The following RNF225 variants were observed in gnomAD, a reference collection of about 807,000 sequenced individuals.
The protein encoded by RNF225 is ring finger protein 225.
For synonymous variants in RNF225, 295 were observed against 260.4 expected (o/e 1.13, Z -1.28); for missense variants, 510 against 509.8 (o/e 1.00, Z 0.00).
chr19:58,396,167 C>G lies in RNF225; in HGVS notation c.78C>G (p.Leu26=), dbSNP rs1259647171. Residue 26 remains leucine (L), a synonymous_variant, in exon 1 of 1, where the codon CTC becomes CTG. Transcript: ENST00000601382. ...QGSGPSSPGS[L]SAPRSPSRGE... is the part of the protein sequence containing the mutation. Reference sequence around the variant, plus strand: ...CGGGTCCCAGCTCCCCAGGCTCGCTCTCTGCGCCCCGCTCCCCAAGCAGAG... The same window carrying G: ...CGGGTCCCAGCTCCCCAGGCTCGCTGTCTGCGCCCCGCTCCCCAAGCAGAG... The G allele has an allele frequency of 6.5e-7, 1 of 1,536,486 alleles. No homozygotes were observed. Among genetic ancestry groups the G allele is most frequent in the Non-Finnish European group, 8.7e-7 (1 of 1,147,730 alleles).
rs1240882175 is a variant in RNF225, at chr19:58,396,376, C to T, written c.287C>T (p.Ser96Leu). 2 of 1,534,958 alleles carry T rather than the reference C, an allele frequency of 1.3e-6. No homozygotes were observed. Among genetic ancestry groups the T allele is most frequent in the Non-Finnish European group, 1.7e-6 (2 of 1,146,480 alleles). Residue 96 changes from serine (S) to leucine (L), a missense_variant, in exon 1 of 1, where the codon TCG (serine) becomes TTG (leucine). By Grantham distance (145) the Ser-to-Leu change is moderately radical (BLOSUM62 -2). Transcript: ENST00000601382. ...VFCLECLARL[S>L]LATAGGGNAV... ...TGTCTCGAGTGCCTGGCGCGCCTAT[C>T]GTTGGCCACGGCGGGCGGCGGCAAC...
Position 58,396,768 on chromosome 19 carries a change from A to G in RNF225, c.679A>G (p.Thr227Ala), listed in dbSNP as rs762888422. The G allele has an allele frequency of 1.4e-5, 21 of 1,513,294 alleles. No homozygotes were observed. In the African/African-American group the frequency reaches 3.1e-4, roughly 22 times the overall value. 93.7% of individuals were successfully genotyped at this position (1,513,294 alleles called of 1,614,324 possible). ...CATCTTCTTCCTCATCCCGCACGCCACCTCCTCCGGCCCCCCGCGGCCCCA... is the reference window on the plus strand; with the variant it reads ...CATCTTCTTCCTCATCCCGCACGCCGCCTCCTCCGGCCCCCCGCGGCCCCA... ...VYIFFLIPHA[T>A]SSGPPRPQLV... is the part of the protein sequence containing the mutation. The change falls in exon 1 of 1, where the codon ACC becomes GCC. Residue 227 changes from threonine (T) to alanine (A), a missense_variant. Transcript: ENST00000601382.
At position 58,396,054 on chromosome 19, in the gene RNF225, C is replaced by G. The variant is rs1228319094; in HGVS notation, c.-36C>G. 3 of 1,473,426 alleles carry G rather than the reference C, an allele frequency of 2.0e-6. No homozygotes were observed. The highest frequency in any genetic ancestry group is 2.7e-6 in the Non-Finnish European group (3 of 1,120,380). The allele number at this position is 1,473,426 out of a possible 1,614,324, so 91.3% of individuals were successfully genotyped here. On this transcript the variant is annotated 5_prime_UTR_variant, in exon 1 of 1. Transcript: ENST00000601382. ...CCGCTCCAGGCTCCACCGCCTCCTT[C>G]CCTGCCTGACCTCCTCTCCTCCCAG... is the stretch of plus-strand genomic sequence containing the variant.
chr19:58,396,961 AC>A lies in RNF225; in HGVS notation c.875del (p.Pro292ArgfsTer?). 1 of 1,533,998 alleles carries A rather than the reference AC, an allele frequency of 6.5e-7. No individual in the cohort carries two copies. Among genetic ancestry groups the A allele is most frequent in the Non-Finnish European group, 8.7e-7 (1 of 1,146,340 alleles). On this transcript the variant is annotated frameshift_variant, in exon 1 of 1. Coordinates refer to ENST00000601382, the MANE Select transcript of RNF225 (RefSeq NM_001195135.2). LOFTEE classifies it low-confidence loss of function (END_TRUNC). ...DALEPEAGPE[D>X]PAEAERTLDR... The stretch of plus-strand genomic sequence containing the variant: ...CTGGAGCCCGAGGCGGGCCCCGAGG[AC>A]CCGGCGGAGGCCGAGAGGACGCTGG...
In RNF225 at chr19:58,396,088, G is replaced by C; in HGVS notation, c.-2G>C. On this transcript the variant is annotated 5_prime_UTR_variant, in exon 1 of 1. Coordinates refer to ENST00000601382, the MANE Select transcript of RNF225 (RefSeq NM_001195135.2). ...ACCTCCTCTCCTCCCAGGTCCATCC[G>C]GATGCCCTGCCCTCGGCCGTTCTGG... 6.6e-7 allele frequency: 1 copy of C among 1,519,150 alleles called. No individual in the cohort carries two copies. The highest frequency in any genetic ancestry group is 8.8e-7 in the Non-Finnish European group (1 of 1,140,006). 94.1% of individuals were successfully genotyped at this position (1,519,150 alleles called of 1,614,324 possible).
Position 58,396,055 on chromosome 19 carries a change from C to A in RNF225, c.-35C>A. The A allele has an allele frequency of 6.8e-7, 1 of 1,473,962 alleles. No homozygotes were observed. The highest frequency in any genetic ancestry group is 8.9e-7 in the Non-Finnish European group (1 of 1,120,624). The allele number at this position is 1,473,962 out of a possible 1,614,324, so 91.3% of individuals were successfully genotyped here. The stretch of plus-strand genomic sequence containing the variant: ...CGCTCCAGGCTCCACCGCCTCCTTC[C>A]CTGCCTGACCTCCTCTCCTCCCAGG... On this transcript the variant is annotated 5_prime_UTR_variant, in exon 1 of 1. Transcript: ENST00000601382.
Position 58,396,511 on chromosome 19 carries a change from C to T in RNF225, c.422C>T (p.Pro141Leu). The part of the protein sequence containing the change: ...GLLPRDARAP[P>L]SRQGSVRFDR... ...CTGCCCCGCGACGCGCGCGCACCGCCCTCTCGCCAGGGCTCCGTGCGCTTC... is the reference window on the plus strand; with the variant it reads ...CTGCCCCGCGACGCGCGCGCACCGCTCTCTCGCCAGGGCTCCGTGCGCTTC... The change falls in exon 1 of 1, where the codon CCC becomes CTC. Residue 141 changes from proline to leucine, a missense_variant. Physicochemically the swap from Pro to Leu is moderately conservative, Grantham distance 98. Coordinates refer to ENST00000601382, the MANE Select transcript of RNF225 (RefSeq NM_001195135.2). The T allele has an allele frequency of 1.5e-6, 2 of 1,296,632 alleles. No individual in the cohort carries two copies. Among genetic ancestry groups the T allele is most frequent in the Non-Finnish European group, 2.0e-6 (2 of 1,023,872 alleles). The allele number at this position is 1,296,632 out of a possible 1,614,324, so 80.3% of individuals were successfully genotyped here. A position where few individuals can be genotyped will look rare whatever the true frequency, so the allele number is the denominator to read the frequency against.
chr19:58,395,887 C>T lies in RNF225; in HGVS notation c.-203C>T, dbSNP rs2052394345. Among the ~76,000 whole-genome samples, 2 of 152,268 alleles carry T rather than the reference C, an allele frequency of 1.3e-5. No homozygotes were observed. Among genetic ancestry groups the T allele is most frequent in the South Asian group, 4.1e-4 (2 of 4,820 alleles). On this transcript the variant is annotated 5_prime_UTR_variant, in exon 1 of 1. Transcript: ENST00000601382. ...GTACCCCGTGGGTCCATTCCTATCC[C>T]CAGTCTCCGCCTCGGGCCTCCCCAT...
At position 58,396,133 on chromosome 19, in the gene RNF225, C is replaced by G. The variant is rs917020655; in HGVS notation, c.44C>G (p.Pro15Arg). 2.3e-5 allele frequency: 36 copies of G among 1,532,936 alleles called. No homozygotes were observed. Among genetic ancestry groups the G allele is most frequent in the Non-Finnish European group, 3.1e-5 (36 of 1,145,996 alleles). 95.0% of individuals were successfully genotyped at this position (1,532,936 alleles called of 1,614,324 possible). The change falls in exon 1 of 1, where the codon CCC becomes CGC. Residue 15 changes from proline (P) to arginine (R), a missense_variant. Coordinates refer to ENST00000601382, the MANE Select transcript of RNF225 (RefSeq NM_001195135.2). ...TTCTGGCTCCGCCATTCCCGGGCCC[C>G]CCAGGGCTCGGGTCCCAGCTCCCCA... The part of the protein sequence containing the change: ...RPFWLRHSRA[P>R]QGSGPSSPGS...
Position 58,396,588 on chromosome 19 carries a change from C to T in RNF225, c.499C>T (p.Pro167Ser), listed in dbSNP as rs2052401458. 3 of 1,075,960 alleles carry T rather than the reference C, an allele frequency of 2.8e-6. No homozygotes were observed. Among genetic ancestry groups the T allele is most frequent in the South Asian group, 4.3e-5 (1 of 23,038 alleles). The allele number at this position is 1,075,960 out of a possible 1,614,324, so 66.7% of individuals were successfully genotyped here. ...YLRPPPPPPG[P>S]RKARAPPPPP... Reference sequence around the variant, plus strand: ...GCGGCCGCCGCCGCCCCCGCCCGGGCCGCGCAAGGCCCGCGCCCCGCCGCC... The same window carrying T: ...GCGGCCGCCGCCGCCCCCGCCCGGGTCGCGCAAGGCCCGCGCCCCGCCGCC... Residue 167 changes from proline to serine, a missense_variant, in exon 1 of 1, where the codon CCG becomes TCG. Physicochemically the swap from Pro to Ser is moderately conservative, Grantham distance 74. Transcript: ENST00000601382.
chr19:58,396,777 G>A lies in RNF225; in HGVS notation c.688G>A (p.Gly230Ser), dbSNP rs1452677922. Residue 230 changes from glycine (G) to serine (S), a missense_variant, in exon 1 of 1, where the codon GGC (glycine) becomes AGC (serine). Physicochemically the swap from Gly to Ser is moderately conservative, Grantham distance 56. Transcript: ENST00000601382. ...CCTCATCCCGCACGCCACCTCCTCC[G>A]GCCCCCCGCGGCCCCAGCTCGTGGC... ...FFLIPHATSSGPPRPQLVALA... is the reference protein window; with the variant it reads ...FFLIPHATSSSPPRPQLVALA... The A allele has an allele frequency of 1.3e-6, 2 of 1,515,172 alleles. No homozygotes were observed. Among genetic ancestry groups the A allele is most frequent in the Non-Finnish European group, 1.8e-6 (2 of 1,138,960 alleles). 93.9% of individuals were successfully genotyped at this position (1,515,172 alleles called of 1,614,324 possible).
In RNF225 at chr19:58,396,603, G is replaced by GCCCCGCCGC. The variant is rs957157176; in HGVS notation, c.525_533dup (p.Pro176_Pro178dup). The GCCCCGCCGC allele has an allele frequency of 2.7e-5, 31 of 1,152,182 alleles. No homozygotes were observed. Among genetic ancestry groups the GCCCCGCCGC allele is most frequent in the South Asian group, 3.8e-5 (1 of 26,448 alleles). The allele number at this position is 1,152,182 out of a possible 1,614,324, so 71.4% of individuals were successfully genotyped here. ...CCCGCCCGGGCCGCGCAAGGCCCGC[G>GCCCCGCCGC]CCCCGCCGCCCCCGCCGCCTCTGCG... On this transcript the variant is annotated inframe_insertion, in exon 1 of 1. Transcript: ENST00000601382.
In RNF225 at chr19:58,396,204, G is replaced by A; in HGVS notation, c.115G>A (p.Glu39Lys). 6.8e-7 allele frequency: 1 copy of A among 1,474,872 alleles called. No homozygotes were observed. Among genetic ancestry groups the A allele is most frequent in the South Asian group, 1.3e-5 (1 of 77,036 alleles). 91.4% of individuals were successfully genotyped at this position (1,474,872 alleles called of 1,614,324 possible). Residue 39 changes from glutamate to lysine, a missense_variant, in exon 1 of 1, where the codon GAG (glutamate) becomes AAG (lysine). Coordinates refer to ENST00000601382, the MANE Select transcript of RNF225 (RefSeq NM_001195135.2). ...PRSPSRGEDQ[E>K]EEEEEEGDGS... Reference sequence around the variant, plus strand: ...CTCCCCAAGCAGAGGGGAAGACCAGGAGGAGGAGGAGGAGGAGGAAGGGGA... The same window carrying A: ...CTCCCCAAGCAGAGGGGAAGACCAGAAGGAGGAGGAGGAGGAGGAAGGGGA...
Position 58,396,841 on chromosome 19 carries a change from G to A in RNF225, c.752G>A (p.Arg251Lys). The A allele has an allele frequency of 6.6e-7, 1 of 1,519,676 alleles. No homozygotes were observed. Among genetic ancestry groups the A allele is most frequent in the Non-Finnish European group, 8.8e-7 (1 of 1,140,920 alleles). 94.1% of individuals were successfully genotyped at this position (1,519,676 alleles called of 1,614,324 possible). ...CCTGGCTTCTCTTGGTTTCCGCCGA[G>A]GCCCCCGCCGGGGTCGCCCTGGGCC... ...PAPGFSWFPP[R>K]PPPGSPWAPA... The change falls in exon 1 of 1, where the codon AGG becomes AAG. Residue 251 changes from arginine (R) to lysine (K), a missense_variant. Physicochemically the swap from Arg to Lys is conservative, Grantham distance 26. Transcript: ENST00000601382.
rs1326172982 is a variant in RNF225, at chr19:58,396,791, C to G, written c.702C>G (p.Pro234=). ...PHATSSGPPR[P]QLVALAPAPG... ...CCACCTCCTCCGGCCCCCCGCGGCC[C>G]CAGCTCGTGGCGCTCGCTCCAGCGC... The change falls in exon 1 of 1, where the codon CCC becomes CCG. Residue 234 remains proline (P), a synonymous_variant. Transcript: ENST00000601382. The G allele has an allele frequency of 6.6e-7, 1 of 1,519,642 alleles. No individual in the cohort carries two copies. The highest frequency in any genetic ancestry group is 8.8e-7 in the Non-Finnish European group (1 of 1,140,830). The allele number at this position is 1,519,642 out of a possible 1,614,324, so 94.1% of individuals were successfully genotyped here. A position where few individuals can be genotyped will look rare whatever the true frequency, so the allele number is the denominator to read the frequency against.
chr19:58,396,027 A>C lies in RNF225; in HGVS notation c.-63A>C, dbSNP rs1599936533. On this transcript the variant is annotated 5_prime_UTR_variant, in exon 1 of 1. Coordinates refer to ENST00000601382, the MANE Select transcript of RNF225 (RefSeq NM_001195135.2). ...CCCTGGATTCCCTGCTGGTCTCAGA[A>C]CCCGCTCCAGGCTCCACCGCCTCCT... 2.1e-6 allele frequency: 3 copies of C among 1,439,194 alleles called. No individual in the cohort carries two copies. Among genetic ancestry groups the C allele is most frequent in the South Asian group, 1.4e-5 (1 of 69,668 alleles). The allele number at this position is 1,439,194 out of a possible 1,614,324, so 89.2% of individuals were successfully genotyped here. A position where few individuals can be genotyped will look rare whatever the true frequency, so the allele number is the denominator to read the frequency against.
At position 58,396,412 on chromosome 19, in the gene RNF225, G is replaced by C. The variant is rs1599936927; in HGVS notation, c.323G>C (p.Cys108Ser). 6.6e-7 allele frequency: 1 copy of C among 1,521,454 alleles called. No individual in the cohort carries two copies. The highest frequency in any genetic ancestry group is 8.8e-7 in the Non-Finnish European group (1 of 1,141,216). 94.2% of individuals were successfully genotyped at this position (1,521,454 alleles called of 1,614,324 possible). Reference protein sequence around the residue: ...ATAGGGNAVACPVCRAPTRLA... With the variant: ...ATAGGGNAVASPVCRAPTRLA... Reference sequence around the variant, plus strand: ...GCGGGCGGCGGCAACGCGGTGGCCTGTCCGGTGTGCCGCGCGCCCACGCGC... The same window carrying C: ...GCGGGCGGCGGCAACGCGGTGGCCTCTCCGGTGTGCCGCGCGCCCACGCGC... The change falls in exon 1 of 1, where the codon TGT becomes TCT. Residue 108 changes from cysteine to serine, a missense_variant. Coordinates refer to ENST00000601382, the MANE Select transcript of RNF225 (RefSeq NM_001195135.2).
In RNF225 at chr19:58,395,850, A is replaced by G. The variant is rs539050876; in HGVS notation, c.-240A>G. 1.3e-5 allele frequency among the ~76,000 whole-genome samples: 2 copies of G among 150,640 alleles called. No individual in the cohort carries two copies. The highest frequency in any genetic ancestry group is 2.9e-5 in the Non-Finnish European group (2 of 67,894). ...ACTGCGGTCTGTCTCTCCGTTTCCA[A>G]TTCAGGAACTGGTACCCCGTGGGTC... On this transcript the variant is annotated 5_prime_UTR_variant, in exon 1 of 1. Coordinates refer to ENST00000601382, the MANE Select transcript of RNF225 (RefSeq NM_001195135.2).
chr19:58,396,019 G>C lies in RNF225; in HGVS notation c.-71G>C. The C allele has an allele frequency of 7.1e-7, 1 of 1,405,676 alleles. No individual in the cohort carries two copies. The highest frequency in any genetic ancestry group is 9.4e-7 in the Non-Finnish European group (1 of 1,068,336). The allele number at this position is 1,405,676 out of a possible 1,614,324, so 87.1% of individuals were successfully genotyped here. ...CCAGTCTTCCCTGGATTCCCTGCTG[G>C]TCTCAGAACCCGCTCCAGGCTCCAC... On this transcript the variant is annotated 5_prime_UTR_variant, in exon 1 of 1. Transcript: ENST00000601382.
Sources: gnomAD v4.1 joint callset for allele counts (sites outside exome capture counted in the v4.1 genomes callset) on GRCh38, gnomAD v4.1.1 for gene constraint, MANE v1.5 for transcripts, NCBI Gene and HGNC (gene_info 2026-07-23, HGNC 2026-07-21) for gene names.